PLEKHG1: variants seen among roughly 807,000 people sequenced by gnomAD.
The protein encoded by PLEKHG1 is pleckstrin homology and RhoGEF domain containing G1, also known as pleckstrin homology domain-containing family G member 1.
Under a neutral mutation model 100.8 loss-of-function variants are expected in PLEKHG1, and 44 were observed. The ratio of observed to expected loss-of-function variants is 0.44; its 90% confidence interval spans 0.34 to 0.56. The LOEUF (loss-of-function observed/expected upper bound fraction) is 0.56, where lower values mean the gene tolerates loss of function less well. Among genes scored for constraint, PLEKHG1 ranks in the 20% least tolerant of loss-of-function variants. The pLI, the probability that PLEKHG1 is intolerant of heterozygous loss-of-function variation, is 0.01. For synonymous variants in PLEKHG1, 640 were observed against 662.5 expected (o/e 0.97, Z 0.52); for missense variants, 1,545 against 1,720.9 (o/e 0.90, Z 1.81).
At chr6:150,651,791 A>G (rs1276641936) in intron 3 of PLEKHG1, 1 of 152,132 alleles carries the variant, frequency 6.6e-6, no homozygotes, top group Non-Finnish European at 1.5e-5. Context: ...GCAGGGCGGC[A>G]GACGTTGCAG....
At chr6:150,662,674 G>C (rs1779241373) in intron 3 of PLEKHG1, 1 of 152,186 alleles carries the variant, frequency 6.6e-6, no homozygotes, top group Non-Finnish European at 1.5e-5. Flanking sequence ...GAAAGTGCTA[G>C]GATTATAGGC....
intron 14 of PLEKHG1, among the ~76,000 whole-genome samples, chr6:150,825,172 A>C (rs1776527242): frequency 6.6e-6 from 1 of 152,210 alleles, no homozygotes; most frequent in Non-Finnish European, 1.5e-5. Flanking sequence ...ATGAAATAAA[A>C]AGGCAAGAAA....
At chr6:150,785,621 A>G (rs1785579615) in intron 3 of PLEKHG1, among the ~76,000 whole-genome samples, 1 of 152,064 alleles carries the variant, frequency 6.6e-6, no homozygotes. Flanking sequence ...TCTCTATTAT[A>G]ATTTTGTATT....
At chr6:150,670,087 G>T (rs1040978488) in intron 3 of PLEKHG1, among the ~76,000 whole-genome samples, 1 of 152,140 alleles carries the variant, frequency 6.6e-6, no homozygotes, top group Admixed American at 6.5e-5. Flanking sequence ...GGTCCTCAAT[G>T]AGATAATTGT....
rs1323308234 is a variant in PLEKHG1, at chr6:150,627,610, A to G, written c.-203-10470A>G. ...CTTTTTTTTAACCGTAATCTTAAAA[A>G]AAAGTATTTACTAGTCCGCAAGCAG... On this transcript the variant is annotated intron_variant, in intron 1 of 3. Coordinates refer to the PLEKHG1 transcript ENST00000367326. Among the ~76,000 whole-genome samples, 3 of 152,228 alleles carry G rather than the reference A, an allele frequency of 2.0e-5. No individual in the cohort carries two copies. The East Asian group carries it at 5.8e-4, about 29-fold the overall frequency.
rs1486193369 is a variant in PLEKHG1 at position 150,666,781 on chromosome 6, G to A, written c.-99+15995G>A. 3.4e-5 allele frequency among the ~76,000 whole-genome samples: 5 copies of A among 147,124 alleles called. No homozygotes were observed. The East Asian group carries it at 9.9e-4, about 29-fold the overall frequency. On this transcript the variant is annotated intron_variant, in intron 3 of 3. Transcript: ENST00000367326. ...TTGATAATTTTTTTTTTTTTTTTGAGATGGAGTCTCACTCTGTCGCCCAGG... is the reference window on the plus strand; with the variant it reads ...TTGATAATTTTTTTTTTTTTTTTGAAATGGAGTCTCACTCTGTCGCCCAGG...
intron 2 of PLEKHG1, among the ~76,000 whole-genome samples, chr6:150,764,944 T>C (rs1407933784): frequency 1.6e-5 from 2 of 122,796 alleles, no homozygotes; most frequent in African/African-American, 4.8e-5. Context: ...GGATCATGTT[T>C]TATGCATTTT....
chr6:150,606,167 A>G (rs1776590672), intron 1 of PLEKHG1, among the ~76,000 whole-genome samples: 1 of 152,160 alleles, frequency 6.6e-6, no homozygotes, highest in African/African-American at 2.4e-5. Context: ...GTGTCAGGGA[A>G]TCCTGTTTAC....
At chr6:150,678,100 A>ATATG (rs1554259157) in intron 3 of PLEKHG1, among the ~76,000 whole-genome samples, 1 of 135,016 alleles carries the variant, frequency 7.4e-6, no homozygotes, top group African/African-American at 2.8e-5. Context: ...ATATATATAT[A>ATATG]TATGTTGTGG....
At chr6:150,644,609 C>A (rs979748992) in intron 2 of PLEKHG1, among the ~76,000 whole-genome samples, 1 of 152,050 alleles carries the variant, frequency 6.6e-6, no homozygotes, top group African/African-American at 2.4e-5. Context: ...GGATTACAGG[C>A]ATGAGCCACT....
chr6:150,645,919 A>T (rs1314601834), intron 2 of PLEKHG1, among the ~76,000 whole-genome samples: 1 of 152,258 alleles, frequency 6.6e-6, no homozygotes, highest in Non-Finnish European at 1.5e-5. Context: ...ACATGAATAC[A>T]GAAGAAATGT....
intron 3 of PLEKHG1, among the ~76,000 whole-genome samples, chr6:150,690,691 A>G (rs555472616): frequency 1.3e-4 from 20 of 152,154 alleles, no homozygotes; most frequent in Non-Finnish European, 1.9e-4. Flanking sequence ...AGGAGTGAAA[A>G]TTATCATAGG....
rs190345912 is a variant in PLEKHG1 at position 150,605,086 on chromosome 6, G to A, written c.-204+5069G>A. On this transcript the variant is annotated intron_variant, in intron 1 of 3. Transcript: ENST00000367326. Reference sequence around the variant, plus strand: ...TCCTCATTTATTGGACAGAGATGCCGTCACCTCCATCTCTATGTTTGCACA... The same window carrying A: ...TCCTCATTTATTGGACAGAGATGCCATCACCTCCATCTCTATGTTTGCACA... 4.3e-3 allele frequency among the ~76,000 whole-genome samples: 653 copies of A among 152,264 alleles called. 7 individuals are homozygous for A. Among genetic ancestry groups the A allele is most frequent in the African/African-American group, 0.014 (596 of 41,550 alleles).
Position 150,689,892 on chromosome 6 carries a change from A to G in PLEKHG1, c.-99+39106A>G, listed in dbSNP as rs796297888. On this transcript the variant is annotated intron_variant, in intron 3 of 3. Transcript: ENST00000367326. ...AAAAAAGAAAAACAGAAGAAGAAGA[A>G]GTAATATGATCTTTGAGCTTTAGTT... is the stretch of plus-strand genomic sequence containing the variant. Among the ~76,000 whole-genome samples, 99 of 152,040 alleles carry G rather than the reference A, an allele frequency of 6.5e-4. 2 individuals are homozygous for G. The highest frequency in any genetic ancestry group is 2.3e-3 in the African/African-American group (95 of 41,526).
At chr6:150,774,704 C>G (rs1481517052) in intron 3 of PLEKHG1, among the ~76,000 whole-genome samples, 2 of 151,794 alleles carry the variant, frequency 1.3e-5, no homozygotes, top group African/African-American at 4.8e-5. Context: ...CCACGCCCAG[C>G]TGATTTTTGT....
intron 1 of PLEKHG1, among the ~76,000 whole-genome samples, chr6:150,614,950 T>C (rs538358158): frequency 6.6e-6 from 1 of 152,314 alleles, no homozygotes; most frequent in African/African-American, 2.4e-5. Flanking sequence ...GTCTGGAGGA[T>C]TGTATCACCT....
chr6:150,818,033 T>G, intron 10 of PLEKHG1, 150 bp from the exon 12 acceptor site: 1 of 669,686 alleles, frequency 1.5e-6, no homozygotes, highest in South Asian at 1.8e-5. Context: ...TTGAATTCCC[T>G]GCACTGTGTG....
At chr6:150,829,314 A>G (rs1776783249) in intron 14 of PLEKHG1, among the ~76,000 whole-genome samples, 1 of 152,162 alleles carries the variant, frequency 6.6e-6, no homozygotes, top group Non-Finnish European at 1.5e-5. Context: ...GTTTTCTTTG[A>G]TTAGAAATCA....
At position 150,794,822 on chromosome 6, in the gene PLEKHG1, G is replaced by A. The variant is rs180934433; in HGVS notation, c.583-1034G>A. 8.9e-4 allele frequency among the ~76,000 whole-genome samples: 136 copies of A among 152,166 alleles called. 1 individual carries two copies. Among genetic ancestry groups the A allele is most frequent in the African/African-American group, 3.1e-3 (129 of 41,512 alleles). On this transcript the variant is annotated intron_variant, in intron 4 of 15. Transcript: ENST00000358517. Reference sequence around the variant, plus strand: ...TATTGAGGTTGGACGATGGAAACTTGGGGATTTATTATACCATCCTCTCTA... The same window carrying A: ...TATTGAGGTTGGACGATGGAAACTTAGGGATTTATTATACCATCCTCTCTA...
Sources: gnomAD v4.1 joint callset for allele counts (sites outside exome capture counted in the v4.1 genomes callset) on GRCh38, gnomAD v4.1.1 for gene constraint, MANE v1.5 for transcripts, NCBI Gene and HGNC (gene_info 2026-07-23, HGNC 2026-07-21) for gene names.